Variants in GALNT12 observed in about 807,000 individuals in gnomAD.
The protein encoded by GALNT12 is UDP-GalNAc:polypeptide N-acetylgalactosaminyltransferase 12.
In GALNT12, 45 loss-of-function variants were observed where a neutral mutation model predicts 55.5. The ratio of observed to expected loss-of-function variants is 0.81; its 90% confidence interval spans 0.64 to 1.04. The LOEUF (loss-of-function observed/expected upper bound fraction) is 1.04, where lower values mean the gene tolerates loss of function less well. Ranked by LOEUF, GALNT12 falls within the 50% of genes least tolerant of loss-of-function variation. The pLI, the probability that GALNT12 is intolerant of heterozygous loss-of-function variation, is 0.00. For missense variants in GALNT12, 709 were observed against 754.8 expected, an observed-to-expected ratio of 0.94 and a Z score of 0.71; for synonymous variants, 304 against 312.2, an observed-to-expected ratio of 0.97 and a Z score of 0.28.
chr9:98,844,007 C>A, intron 7 of GALNT12, 89 bp from the exon 8 acceptor site: 1 of 871,152 alleles, frequency 1.1e-6, no homozygotes, highest in Non-Finnish European at 2.0e-6. Context: ...AGGCTCTCCT[C>A]TCATGCCAGG....
In GALNT12 at chr9:98,807,871, C is replaced by T. The variant is rs1835411775; in HGVS notation, c.173C>T (p.Pro58Leu). The stretch of plus-strand genomic sequence containing the variant: ...CCGGGACCCCCGCGCACCCCGCGCC[C>T]CGGGCGGCGCGAGCCGGTCATGCCG... ...AEPGPPRTPR[P>L]GRREPVMPRP... The change falls in exon 1 of 10, where the codon CCC becomes CTC. Residue 58 changes from proline (P) to leucine (L), a missense_variant. Transcript: ENST00000375011. 2.9e-6 allele frequency: 3 copies of T among 1,024,862 alleles called. No homozygotes were observed. The highest frequency in any genetic ancestry group is 3.5e-6 in the Non-Finnish European group (3 of 857,726). 63.5% of individuals were successfully genotyped at this position (1,024,862 alleles called of 1,614,324 possible).
chr9:98,837,607 A>G (rs374111400), intron 6 of GALNT12, among the ~76,000 whole-genome samples: 1 of 152,262 alleles, frequency 6.6e-6, no homozygotes, highest in East Asian at 1.9e-4. Flanking sequence ...CTTCATCACA[A>G]CCTTCTTGCA....
rs546907012 is a variant in GALNT12, at chr9:98,832,708, G to A, written c.917+751G>A. Among the ~76,000 whole-genome samples, 54 of 152,078 alleles carry A rather than the reference G, an allele frequency of 3.6e-4. 1 individual carries two copies. The South Asian group carries it at 0.01, about 29-fold the overall frequency. On this transcript the variant is annotated intron_variant, in intron 4 of 9. Coordinates refer to ENST00000375011, the MANE Select transcript of GALNT12 (RefSeq NM_024642.5). ...CCTGGGAACCTCTGTTCTTTCAGGCGCCCCATGTGAGTGGAATCATACAAT... is the reference window on the plus strand; with the variant it reads ...CCTGGGAACCTCTGTTCTTTCAGGCACCCCATGTGAGTGGAATCATACAAT...
intron 8 of GALNT12, 31 bp downstream of exon 8, chr9:98,844,240 T>A (rs751333147): frequency 1.5e-6 from 2 of 1,327,942 alleles, no homozygotes; most frequent in Non-Finnish European, 2.2e-6. Flanking sequence ...AGGAGAAAGC[T>A]GTGTGTTTTG....
intron 1 of GALNT12, among the ~76,000 whole-genome samples, chr9:98,821,979 A>C (rs1164342047): frequency 6.6e-6 from 1 of 152,234 alleles, no homozygotes; most frequent in Non-Finnish European, 1.5e-5. Flanking sequence ...CCTATCTGAC[A>C]TGCGGTAGGT....
chr9:98,836,824 G>T, intron 5 of GALNT12, 148 bp from the exon 6 acceptor site: 1 of 791,888 alleles, frequency 1.3e-6, no homozygotes, highest in Middle Eastern at 3.5e-4. Context: ...TGAGTGTGCC[G>T]GGTAGGTGGC....
In GALNT12 at chr9:98,827,842, A is replaced by G. The variant is rs1227110175; in HGVS notation, c.731+901A>G. ...TATAGAGGAAGGGTCCCTGAAAGTC[A>G]TAATGTAACCCTGTTCTCAAGGCCA... On this transcript the variant is annotated intron_variant, in intron 3 of 9. Coordinates refer to ENST00000375011, the MANE Select transcript of GALNT12 (RefSeq NM_024642.5). 2.0e-5 allele frequency among the ~76,000 whole-genome samples: 3 copies of G among 152,334 alleles called. No individual in the cohort carries two copies. In the East Asian group the frequency reaches 5.8e-4, roughly 29 times the overall value.
intron 1 of GALNT12, among the ~76,000 whole-genome samples, chr9:98,809,994 G>C (rs1216702378): frequency 6.6e-6 from 1 of 152,228 alleles, no homozygotes; most frequent in East Asian, 1.9e-4. Context: ...AGCAAGGCCT[G>C]TTGGGTTATT....
rs2118256430 is a variant in GALNT12, at chr9:98,807,851, A to G, written c.153A>G (p.Gly51=). 1.0e-6 allele frequency: 1 copy of G among 1,002,960 alleles called. No homozygotes were observed. The highest frequency in any genetic ancestry group is 1.2e-6 in the Non-Finnish European group (1 of 843,914). The allele number at this position is 1,002,960 out of a possible 1,614,324, so 62.1% of individuals were successfully genotyped here. A position where few individuals can be genotyped will look rare whatever the true frequency, so the allele number is the denominator to read the frequency against. ...CCGGGGCCGGGGCTGCCGAGCCGGGACCCCCGCGCACCCCGCGCCCCGGGC... is the reference window on the plus strand; with the variant it reads ...CCGGGGCCGGGGCTGCCGAGCCGGGGCCCCCGCGCACCCCGCGCCCCGGGC... ...RGAGAGAAEP[G]PPRTPRPGRR... is the part of the protein sequence containing the mutation. The change falls in exon 1 of 10, where the codon GGA becomes GGG. Residue 51 remains glycine (G), a synonymous_variant. Coordinates refer to ENST00000375011, the MANE Select transcript of GALNT12 (RefSeq NM_024642.5).
At position 98,837,163 on chromosome 9, in the gene GALNT12, C is replaced by T. The variant is rs376150380; in HGVS notation, c.1212+15C>T. The T allele has an allele frequency of 1.8e-5, 29 of 1,613,610 alleles. No homozygotes were observed. Among genetic ancestry groups the T allele is most frequent in the East Asian group, 1.1e-4 (5 of 44,896 alleles). On this transcript the variant is annotated intron_variant, in intron 6 of 9. Coordinates refer to ENST00000375011, the MANE Select transcript of GALNT12 (RefSeq NM_024642.5). ...GTGCCCGCTTGGTGAGTTCCTCGGC[C>T]CACCTGCACTCCATCTGGCTTCATC...
In GALNT12 at chr9:98,807,708, C is replaced by T. The variant is rs1161821254; in HGVS notation, c.10C>T (p.Arg4Cys). MWG[R>C]TARRRCPREL... ...TGCAGTTGGCGGGCGCATGTGGGGG[C>T]GCACGGCGCGGCGGCGCTGCCCGCG... is the stretch of plus-strand genomic sequence containing the variant. Residue 4 changes from arginine (R) to cysteine (C), a missense_variant, in exon 1 of 10, where the codon CGC becomes TGC. Coordinates refer to ENST00000375011, the MANE Select transcript of GALNT12 (RefSeq NM_024642.5). 2.6e-6 allele frequency: 3 copies of T among 1,155,882 alleles called. No homozygotes were observed. The highest frequency in any genetic ancestry group is 1.6e-5 in the African/African-American group (1 of 60,782). The allele number at this position is 1,155,882 out of a possible 1,614,324, so 71.6% of individuals were successfully genotyped here. A position where few individuals can be genotyped will look rare whatever the true frequency, so the allele number is the denominator to read the frequency against.
intron 1 of GALNT12, among the ~76,000 whole-genome samples, chr9:98,808,648 G>A (rs1236978334): frequency 6.6e-6 from 1 of 152,228 alleles, no homozygotes; most frequent in African/African-American, 2.4e-5. Context: ...CACGGGGTGG[G>A]AAGGGCTCCT....
At chr9:98,812,448 G>A (rs551367062) in intron 1 of GALNT12, among the ~76,000 whole-genome samples, 1 of 152,264 alleles carries the variant, frequency 6.6e-6, no homozygotes, top group Admixed American at 6.5e-5. Flanking sequence ...AAAATTAGCT[G>A]GGCGTGGTGG....
chr9:98,849,538 T>C lies in GALNT12; in HGVS notation c.*446T>C. On this transcript the variant is annotated 3_prime_UTR_variant, in exon 10 of 10. Transcript: ENST00000375011. ...GTACTTTGCATTAACTGATAATACCTCAGCTGCGGGGTTAAAGTTTTCCCA... is the reference window on the plus strand; with the variant it reads ...GTACTTTGCATTAACTGATAATACCCCAGCTGCGGGGTTAAAGTTTTCCCA... 2 of 470,154 alleles carry C rather than the reference T, an allele frequency of 4.3e-6. No homozygotes were observed. The highest frequency in any genetic ancestry group is 7.4e-6 in the Non-Finnish European group (2 of 270,208). The allele number at this position is 470,154 out of a possible 1,614,324, so 29.1% of individuals were successfully genotyped here. A position where few individuals can be genotyped will look rare whatever the true frequency, so the allele number is the denominator to read the frequency against.
At chr9:98,809,177 G>C (rs1006161832) in intron 1 of GALNT12, among the ~76,000 whole-genome samples, 2 of 152,204 alleles carry the variant, frequency 1.3e-5, no homozygotes, top group African/African-American at 4.8e-5. Flanking sequence ...CTGCTCCATG[G>C]TACCTTGGCC....
Position 98,849,117 on chromosome 9 carries a change from C to T in GALNT12, c.*25C>T, listed in dbSNP as rs202233943. On this transcript the variant is annotated 3_prime_UTR_variant, in exon 10 of 10. Coordinates refer to ENST00000375011, the MANE Select transcript of GALNT12 (RefSeq NM_024642.5). ...AAGCCTCGTGTATCAAGGAGCCCAT[C>T]GAAGGAGACTGTGGAGCCAGGACTC... 35 of 1,613,466 alleles carry T rather than the reference C, an allele frequency of 2.2e-5. No homozygotes were observed. The highest frequency in any genetic ancestry group is 5.5e-5 in the South Asian group (5 of 91,054).
At chr9:98,816,430 A>G (rs1376166147) in intron 1 of GALNT12, among the ~76,000 whole-genome samples, 1 of 151,912 alleles carries the variant, frequency 6.6e-6, no homozygotes, top group East Asian at 1.9e-4. Flanking sequence ...GAAGAAATAA[A>G]TTTTCATCCA....
rs11467276 is a variant in GALNT12 at position 98,821,624 on chromosome 9, C to CAAAAAAAAAAAAAAA, written c.372-1619_372-1618insAAAAAAAAAAAAAAA. Among the ~76,000 whole-genome samples the CAAAAAAAAAAAAAAA allele has an allele frequency of 4.4e-3, 495 of 112,026 alleles. 66 individuals carry two copies. The highest frequency in any genetic ancestry group is 6.8e-3 in the Non-Finnish European group (365 of 53,454). The allele number at this position is 112,026 out of a possible 152,430, so 73.5% of individuals were successfully genotyped here. On this transcript the variant is annotated intron_variant, in intron 1 of 9. Coordinates refer to ENST00000375011, the MANE Select transcript of GALNT12 (RefSeq NM_024642.5). ...TGGGCAACAGAGCGAGACTCCATCT[C>CAAAAAAAAAAAAAAA]AAAAAAAAAAAAAGAAAGAAATTTC...
At chr9:98,834,970 T>C (rs1836100477) in intron 4 of GALNT12, among the ~76,000 whole-genome samples, 1 of 152,108 alleles carries the variant, frequency 6.6e-6, no homozygotes. Context: ...GCCCCTGCCC[T>C]CCTCAGTGTT....
Sources: allele counts gnomAD v4.1 joint callset (sites outside exome capture counted in the v4.1 genomes callset), GRCh38; gene constraint gnomAD v4.1.1; transcripts MANE v1.5; gene names NCBI Gene and HGNC (gene_info 2026-07-23, HGNC 2026-07-21).